DOCK9: variants seen among roughly 807,000 people sequenced by gnomAD.
DOCK9 encodes the protein dedicator of cytokinesis protein 9.
A neutral mutation model predicts 263.3 loss-of-function variants in DOCK9; 89 were observed. That is an observed-to-expected ratio of 0.34 (90% CI 0.28 to 0.40). DOCK9 has a LOEUF of 0.40. DOCK9 is among the 10% of genes least tolerant of loss of function. The probability of loss-of-function intolerance (pLI) is 1.00; values close to 1 mark genes in which losing one functional copy is unlikely to be tolerated. For synonymous variants in DOCK9, 976 were observed against 973.1 expected (o/e 1.00, Z -0.06); for missense variants, 2,140 against 2,603.4 (o/e 0.82, Z 3.87).
At chr13:98,873,189 T>C (rs1179988102) in intron 27 of DOCK9, among the ~76,000 whole-genome samples, 1 of 152,208 alleles carries the variant, frequency 6.6e-6, no homozygotes, top group Non-Finnish European at 1.5e-5. Flanking sequence ...CTTGTAGTCA[T>C]TGCCCCAATA....
chr13:98,880,063 C>T (rs1356985472), intron 26 of DOCK9, 94 bp from the exon 27 acceptor site: 11 of 970,108 alleles, frequency 1.1e-5, no homozygotes, highest in Non-Finnish European at 1.7e-5. Flanking sequence ...TGACATAAAG[C>T]AGGTGTGACC....
intron 1 of DOCK9, among the ~76,000 whole-genome samples, chr13:99,084,123 C>A (rs1034117567): frequency 6.6e-6 from 1 of 152,146 alleles, no homozygotes. Flanking sequence ...TACAACAAAG[C>A]CCGGCCAGAA....
intron 2 of DOCK9, among the ~76,000 whole-genome samples, chr13:98,935,675 C>T (rs2008411): frequency 0.63 from 96,128 of 152,072 alleles, 31,121 homozygotes; most frequent in Middle Eastern, 0.77. Context: ...GGCTGAGGCA[C>T]GAGAATCGCT....
At chr13:99,071,713 T>A (rs1186062482) in intron 1 of DOCK9, among the ~76,000 whole-genome samples, 2 of 152,190 alleles carry the variant, frequency 1.3e-5, no homozygotes, top group African/African-American at 4.8e-5. Context: ...GCTCGCTTTT[T>A]AGTTTTTTAA....
chr13:98,939,378 C>A (rs1454055307), intron 2 of DOCK9, among the ~76,000 whole-genome samples: 1 of 152,182 alleles, frequency 6.6e-6, no homozygotes, highest in East Asian at 1.9e-4. Flanking sequence ...CCCATCAATT[C>A]CAGTCTACCC....
chr13:98,893,802 T>C (rs2046986666), intron 15 of DOCK9, among the ~76,000 whole-genome samples: 2 of 152,234 alleles, frequency 1.3e-5, no homozygotes, highest in Non-Finnish European at 2.9e-5. Flanking sequence ...CCACGTCCCC[T>C]AACTCTGTTG....
intron 35 of DOCK9, 55 bp downstream of exon 35, chr13:98,853,353 C>G (rs2093622926): frequency 8.2e-7 from 1 of 1,222,820 alleles, no homozygotes. Context: ...AAGTTAAAAC[C>G]AAACAAACCA....
At chr13:99,085,811 C>A (rs1210150062) in intron 1 of DOCK9, among the ~76,000 whole-genome samples, 1 of 151,218 alleles carries the variant, frequency 6.6e-6, no homozygotes, top group African/African-American at 2.4e-5. Context: ...TCCCCTGCGC[C>A]CCTCCAAAAC....
chr13:98,881,678 T>C, intron 24 of DOCK9, 51 bp from the exon 25 acceptor site: 1 of 1,528,604 alleles, frequency 6.5e-7, no homozygotes, highest in Non-Finnish European at 8.9e-7. Context: ...AATGGAAACA[T>C]TTCATTATTA....
intron 1 of DOCK9, among the ~76,000 whole-genome samples, chr13:98,961,892 T>C (rs1445766116): frequency 6.6e-6 from 1 of 152,160 alleles, no homozygotes; most frequent in Non-Finnish European, 1.5e-5. Context: ...AATTCAGACA[T>C]GTTCTAAGGT....
intron 25 of DOCK9, 70 bp from the exon 26 acceptor site, chr13:98,880,742 C>T: frequency 1.3e-6 from 2 of 1,561,718 alleles, no homozygotes; most frequent in Non-Finnish European, 1.7e-6. Context: ...TGAGAGACTC[C>T]CAAGAATGGA....
intron 1 of DOCK9, among the ~76,000 whole-genome samples, chr13:98,998,484 G>C (rs1886553): frequency 0.55 from 83,134 of 151,966 alleles, 23,011 homozygotes; most frequent in South Asian, 0.68. Flanking sequence ...CCATCTGAAT[G>C]ATCCGGGCAG....
chr13:99,014,174 G>A (rs1885007320), intron 1 of DOCK9, among the ~76,000 whole-genome samples: 1 of 152,240 alleles, frequency 6.6e-6, no homozygotes, highest in Admixed American at 6.5e-5. Flanking sequence ...TCTGGTCTGA[G>A]GGAGCAGAAG....
chr13:98,883,971 G>T, intron 21 of DOCK9, 72 bp from the exon 22 acceptor site: 2 of 1,047,086 alleles, frequency 1.9e-6, no homozygotes, highest in South Asian at 1.5e-5. Context: ...CATCAATGAG[G>T]GTAATGATGA....
intron 48 of DOCK9, among the ~76,000 whole-genome samples, chr13:98,806,780 G>A (rs1489721623): frequency 5.9e-5 from 9 of 151,846 alleles, no homozygotes; most frequent in African/African-American, 1.2e-4. Context: ...GTGGTGGCGC[G>A]TTCCTGTAAT....
chr13:98,946,718 C>T (rs1280638687), intron 2 of DOCK9, among the ~76,000 whole-genome samples: 1 of 152,100 alleles, frequency 6.6e-6, no homozygotes, highest in Admixed American at 6.5e-5. Context: ...CAGACCTTGT[C>T]ACTGCTCTGA....
chr13:98,803,594 C>T (rs1347724494), intron 49 of DOCK9, among the ~76,000 whole-genome samples: 1 of 152,154 alleles, frequency 6.6e-6, no homozygotes, highest in Non-Finnish European at 1.5e-5. Context: ...CTTGGGTAAC[C>T]ACTGACTTAA....
chr13:98,908,801 T>C (rs1202726087), intron 9 of DOCK9, among the ~76,000 whole-genome samples: 1 of 152,252 alleles, frequency 6.6e-6, no homozygotes, highest in African/African-American at 2.4e-5. Context: ...AACTTTTCTT[T>C]AAACAACTTT....
intron 1 of DOCK9, among the ~76,000 whole-genome samples, chr13:99,008,609 TAGTC>T (rs1381497311): frequency 1.3e-5 from 2 of 152,228 alleles, no homozygotes; most frequent in African/African-American, 2.4e-5. Flanking sequence ...ACTTGTATCT[TAGTC>T]AGCTAAAGCT....
Sources: allele counts gnomAD v4.1 joint callset (sites outside exome capture counted in the v4.1 genomes callset), GRCh38; gene constraint gnomAD v4.1.1; transcripts MANE v1.5; gene names NCBI Gene and HGNC (gene_info 2026-07-23, HGNC 2026-07-21).